The following REL variants were observed in gnomAD, a reference collection of about 807,000 sequenced individuals.
The protein encoded by REL is REL proto-oncogene, NF-kB subunit.
A neutral mutation model predicts 45.9 loss-of-function variants in REL; 15 were observed. The observed-to-expected ratio is 0.33, with a 90% confidence interval of 0.22 to 0.50. REL has a LOEUF of 0.50. Among genes scored for constraint, REL ranks in the 20% least tolerant of loss-of-function variants. The pLI is 0.98. For synonymous variants in REL, 239 were observed against 242.1 expected (o/e 0.99, Z 0.12); for missense variants, 601 against 715.2 (o/e 0.84, Z 1.82).
At chr2:60,904,795 T>C (rs1573329452) in intron 4 of REL, among the ~76,000 whole-genome samples, 1 of 151,962 alleles carries the variant, frequency 6.6e-6, no homozygotes, top group East Asian at 1.9e-4. Flanking sequence ...GAGGCCGAGG[T>C]AGGAAAATTG....
chr2:60,901,225 A>C (rs1238225930), intron 4 of REL, 142 bp downstream of exon 4: 1 of 1,059,648 alleles, frequency 9.4e-7, no homozygotes, highest in Non-Finnish European at 1.2e-6. Flanking sequence ...GCGCGATCTC[A>C]GCTCACTGCA....
At chr2:60,901,362 A>G (rs1255872165) in intron 4 of REL, among the ~76,000 whole-genome samples, 2 of 151,972 alleles carry the variant, frequency 1.3e-5, no homozygotes, top group Admixed American at 6.6e-5. Context: ...GGGTTTCACC[A>G]TGTTAGCCAG....
intron 4 of REL, among the ~76,000 whole-genome samples, chr2:60,910,263 A>G (rs1453088588): frequency 1.3e-5 from 2 of 152,074 alleles, no homozygotes; most frequent in African/African-American, 4.8e-5. Flanking sequence ...CAGGAGATCA[A>G]GACCATCCTG....
At chr2:60,893,680 G>A (rs1005681637) in intron 2 of REL, among the ~76,000 whole-genome samples, 1 of 152,086 alleles carries the variant, frequency 6.6e-6, no homozygotes, top group African/African-American at 2.4e-5. Flanking sequence ...ATGGATTTTA[G>A]TGCCCTCTAC....
Position 60,922,103 on chromosome 2 carries a change from C to A in REL, c.1332C>A (p.Ser444=). Residue 444 remains serine (S), a synonymous_variant, in exon 10 of 10, where the codon TCC becomes TCA. Coordinates refer to ENST00000394479, the MANE Select transcript of REL (RefSeq NM_001291746.2). The part of the protein sequence containing the change: ...ADDIVGMEAS[S]MPSADLYGIS... ...ACATAGTCGGAATGGAAGCGTCATC[C>A]ATGCCATCAGCAGATTTATATGGTA... 6.2e-7 allele frequency: 1 copy of A among 1,614,140 alleles called. No homozygotes were observed. Among genetic ancestry groups the A allele is most frequent in the Non-Finnish European group, 8.5e-7 (1 of 1,180,000 alleles).
At chr2:60,906,891 G>A (rs1261830745) in intron 4 of REL, among the ~76,000 whole-genome samples, 2 of 124,368 alleles carry the variant, frequency 1.6e-5, no homozygotes, top group African/African-American at 3.4e-5. Flanking sequence ...ATGTGTGTGT[G>A]TGTATATATA....
chr2:60,902,733 C>T (rs1364102043), intron 4 of REL, among the ~76,000 whole-genome samples: 1 of 151,634 alleles, frequency 6.6e-6, no homozygotes, highest in Non-Finnish European at 1.5e-5. Context: ...TGTTGGTGCA[C>T]CACCATGCCC....
rs1674251479 is a variant in REL at position 60,925,698 on chromosome 2, T to C, written c.*3163T>C. 1 of 36,798 alleles carries C rather than the reference T, an allele frequency of 2.7e-5. No individual in the cohort carries two copies. Among genetic ancestry groups the C allele is most frequent in the Non-Finnish European group, 7.7e-5 (1 of 12,904 alleles). 2.3% of individuals were successfully genotyped at this position (36,798 alleles called of 1,614,324 possible). A position where few individuals can be genotyped will look rare whatever the true frequency, so the allele number is the denominator to read the frequency against. ...GATGATGGATGATAGGTGGGGAGAT[T>C]TTTTTTTTTTTTAATACAGAATCTC... On this transcript the variant is annotated 3_prime_UTR_variant, in exon 10 of 10. Transcript: ENST00000394479.
At chr2:60,900,923 A>T in intron 3 of REL, 69 bp from the exon 4 acceptor site, 2 of 1,293,482 alleles carry the variant, frequency 1.5e-6, no homozygotes, top group Non-Finnish European at 2.2e-6. Context: ...CAGTATTGCT[A>T]TATGTTTGAT....
At chr2:60,894,228 T>C (rs941061992) in intron 2 of REL, among the ~76,000 whole-genome samples, 169 bp from the exon 3 acceptor site, 1 of 152,164 alleles carries the variant, frequency 6.6e-6, no homozygotes, top group African/African-American at 2.4e-5. Context: ...AGTTTTTCTG[T>C]ACTGGTATTC....
chr2:60,919,803 C>G (rs1204705717), intron 7 of REL, among the ~76,000 whole-genome samples: 5 of 152,128 alleles, frequency 3.3e-5, no homozygotes, highest in Non-Finnish European at 5.9e-5. Context: ...TCAAGTGATC[C>G]ACCTGCCTCA....
intron 3 of REL, chr2:60,900,289 G>C (rs941486904): frequency 6.6e-6 from 1 of 152,216 alleles, no homozygotes; most frequent in African/African-American, 2.4e-5. Flanking sequence ...CATACCTGTG[G>C]GCTTCAACCT....
chr2:60,894,677 T>A (rs1472131605), intron 3 of REL, 132 bp downstream of exon 3: 3 of 596,014 alleles, frequency 5.0e-6, no homozygotes, highest in Non-Finnish European at 8.0e-6. Context: ...TATTTTACAC[T>A]TACATTTTTA....
In REL at chr2:60,922,095, G is replaced by A. The variant is rs767910621; in HGVS notation, c.1324G>A (p.Ala442Thr). 2.5e-6 allele frequency: 4 copies of A among 1,614,164 alleles called. No individual in the cohort carries two copies. The highest frequency in any genetic ancestry group is 3.4e-6 in the Non-Finnish European group (4 of 1,180,012). The change falls in exon 10 of 10, where the codon GCG (alanine) becomes ACG (threonine). Residue 442 changes from alanine (A) to threonine (T), a missense_variant. By Grantham distance (58) the Ala-to-Thr change is moderately conservative. Coordinates refer to ENST00000394479, the MANE Select transcript of REL (RefSeq NM_001291746.2). ...TGCCGATGACATAGTCGGAATGGAAGCGTCATCCATGCCATCAGCAGATTT... is the reference window on the plus strand; with the variant it reads ...TGCCGATGACATAGTCGGAATGGAAACGTCATCCATGCCATCAGCAGATTT... The part of the protein sequence containing the change: ...NNADDIVGME[A>T]SSMPSADLYG...
In REL at chr2:60,928,313, GA is replaced by G. The variant is rs1195576734; in HGVS notation, c.*5784del. 1 of 152,400 alleles carries G rather than the reference GA, an allele frequency of 6.6e-6. No individual in the cohort carries two copies. Among genetic ancestry groups the G allele is most frequent in the African/African-American group, 2.4e-5 (1 of 41,340 alleles). 9.4% of individuals were successfully genotyped at this position (152,400 alleles called of 1,614,324 possible). A position where few individuals can be genotyped will look rare whatever the true frequency, so the allele number is the denominator to read the frequency against. On this transcript the variant is annotated 3_prime_UTR_variant, in exon 10 of 10. Transcript: ENST00000394479. ...ACCAATGCCTTTCTTCACAGAATTG[GA>G]AAAAACTACTTTAAAGTTCATATGG...
At position 60,916,998 on chromosome 2, in the gene REL, G is replaced by C. The variant is rs562518584; in HGVS notation, c.516G>C (p.Ser172=). 6.2e-7 allele frequency: 1 copy of C among 1,612,624 alleles called. No homozygotes were observed. Among genetic ancestry groups the C allele is most frequent in the East Asian group, 2.2e-5 (1 of 44,828 alleles). ...CGACTGCTCTTCCTCCTGTTGTCTCGAACCCAATTTATGACAACCGTAAGT... is the reference window on the plus strand; with the variant it reads ...CGACTGCTCTTCCTCCTGTTGTCTCCAACCCAATTTATGACAACCGTAAGT... The part of the protein sequence containing the change: ...NLTTALPPVV[S]NPIYDNRAPN... Residue 172 remains serine (S), a synonymous_variant, in exon 5 of 10, where the codon TCG becomes TCC. Transcript: ENST00000394479.
At chr2:60,904,388 C>T (rs959057463) in intron 4 of REL, among the ~76,000 whole-genome samples, 46 of 144,464 alleles carry the variant, frequency 3.2e-4, no homozygotes, top group African/African-American at 1.1e-3. Context: ...GGCGACAGAA[C>T]GAGACTCTGT....
At chr2:60,900,839 A>G (rs1420890481) in intron 3 of REL, 153 bp from the exon 4 acceptor site, 3 of 663,048 alleles carry the variant, frequency 4.5e-6, no homozygotes, top group Non-Finnish European at 7.4e-6. Context: ...CCCACTTCTT[A>G]CTCTCTCATC....
chr2:60,891,616 A>AG lies in REL; in HGVS notation c.11-67_11-66insG, dbSNP rs367956842. 940 of 1,327,928 alleles carry AG rather than the reference A, an allele frequency of 7.1e-4. 8 individuals are homozygous for AG. The African/African-American group carries it at 0.012, about 17-fold the overall frequency. The allele number at this position is 1,327,928 out of a possible 1,614,324, so 82.3% of individuals were successfully genotyped here. A position where few individuals can be genotyped will look rare whatever the true frequency, so the allele number is the denominator to read the frequency against. ...AGTCTGCTGTTATAAAAAAAACAGA[A>AG]TGTTAAAATCCATTATTAATTGCTA... On this transcript the variant is annotated intron_variant, in intron 1 of 9. Transcript: ENST00000394479.
Sources: gnomAD v4.1 joint callset for allele counts (sites outside exome capture counted in the v4.1 genomes callset) on GRCh38, gnomAD v4.1.1 for gene constraint, MANE v1.5 for transcripts, NCBI Gene and HGNC (gene_info 2026-07-23, HGNC 2026-07-21) for gene names.